CPB1: variants seen among roughly 807,000 people sequenced by gnomAD.
The protein encoded by CPB1 is carboxypeptidase B.
Under a neutral mutation model 51.4 loss-of-function variants are expected in CPB1, and 53 were observed. The ratio of observed to expected loss-of-function variants is 1.03; its 90% CI spans 0.83 to 1.30. The LOEUF is 1.30. Among genes scored for constraint, CPB1 ranks in the 50% most tolerant of loss-of-function variants. The probability of loss-of-function intolerance (pLI) is 0.00; values close to 1 mark genes in which losing one functional copy is unlikely to be tolerated. For synonymous variants in CPB1, 189 were observed against 186.9 expected, an observed-to-expected ratio of 1.01 and a Z score of -0.09; for missense variants, 494 against 516.2, an observed-to-expected ratio of 0.96 and a Z score of 0.42.
At chr3:148,842,235 T>C (rs1394382771) in intron 6 of CPB1, among the ~76,000 whole-genome samples, 2 of 151,890 alleles carry the variant, frequency 1.3e-5, no homozygotes, top group Non-Finnish European at 2.9e-5. Context: ...AAAAAAAAAT[T>C]GTATTTATTT....
chr3:148,830,740 T>G (rs1366926875), intron 2 of CPB1, among the ~76,000 whole-genome samples: 1 of 152,164 alleles, frequency 6.6e-6, no homozygotes, highest in Non-Finnish European at 1.5e-5. Flanking sequence ...CTCTCAGTAG[T>G]AATAGAATAA....
chr3:148,852,271 A>C (rs1282520099), intron 9 of CPB1, among the ~76,000 whole-genome samples: 1 of 152,146 alleles, frequency 6.6e-6, no homozygotes. Context: ...ATTTCAACTA[A>C]TTTTGCCCCC....
At chr3:148,857,064 T>TTTTTG (rs1713587649) in intron 9 of CPB1, 1 of 41,508 alleles carries the variant, frequency 2.4e-5, no homozygotes, top group Admixed American at 2.3e-4. Context: ...TGCCAAGTGT[T>TTTTTG]TTTTTTTTTT....
intron 2 of CPB1, among the ~76,000 whole-genome samples, chr3:148,832,148 G>T (rs1712757435): frequency 6.6e-6 from 1 of 152,036 alleles, no homozygotes; most frequent in Non-Finnish European, 1.5e-5. Context: ...AGATTTATTT[G>T]CCCCATCTTA....
In CPB1 at chr3:148,844,768, G is replaced by C. The variant is rs1018611637; in HGVS notation, c.778+1G>C. ...AGAAATTTTGATGCTGGTTGGTGTG[G>C]TAAGTATCTGGCTAGCCATTTTGCA... is the stretch of plus-strand genomic sequence containing the variant. On this transcript the variant is annotated splice_donor_variant, in intron 8 of 10. Transcript: ENST00000282957. LOFTEE classifies it high-confidence loss of function. The C allele has an allele frequency of 6.2e-7, 1 of 1,613,366 alleles. No homozygotes were observed. The highest frequency in any genetic ancestry group is 2.2e-5 in the East Asian group (1 of 44,876).
At chr3:148,833,738 A>AT (rs1712808733) in intron 2 of CPB1, among the ~76,000 whole-genome samples, 1 of 138,444 alleles carries the variant, frequency 7.2e-6, no homozygotes, top group African/African-American at 3.3e-5. Context: ...ACATCCACAG[A>AT]TTAAAAAAAA....
chr3:148,849,804 C>A (rs1211835876), intron 9 of CPB1, among the ~76,000 whole-genome samples: 1 of 152,234 alleles, frequency 6.6e-6, no homozygotes, highest in African/African-American at 2.4e-5. Context: ...CATTTTCCAG[C>A]TGAGGCATGG....
At chr3:148,838,606 C>G (rs1340880751) in intron 3 of CPB1, among the ~76,000 whole-genome samples, 3 of 152,058 alleles carry the variant, frequency 2.0e-5, no homozygotes, top group Non-Finnish European at 4.4e-5. Flanking sequence ...TTTTCCTCCA[C>G]GTTTTCCTGA....
chr3:148,828,868 T>C (rs1412737536), intron 2 of CPB1, among the ~76,000 whole-genome samples: 2 of 152,046 alleles, frequency 1.3e-5, no homozygotes, highest in Non-Finnish European at 2.9e-5. Flanking sequence ...AAGAAGAAGG[T>C]GGAGAGTGTC....
In CPB1 at chr3:148,846,797, G is replaced by GTATA. The variant is rs368201293; in HGVS notation, c.981+1213_981+1216dup. Among the ~76,000 whole-genome samples the GTATA allele has an allele frequency of 2.6e-3, 129 of 50,404 alleles. 1 individual carries two copies. Among genetic ancestry groups the GTATA allele is most frequent in the East Asian group, 0.012 (15 of 1,270 alleles). The allele number at this position is 50,404 out of a possible 152,430, so 33.1% of individuals were successfully genotyped here. The stretch of plus-strand genomic sequence containing the variant: ...CACATATATATGTGTGTGTGCGTGT[G>GTATA]TATATATATATATATATATATATAT... On this transcript the variant is annotated intron_variant, in intron 9 of 10. Transcript: ENST00000282957.
At chr3:148,846,792 C>CGTGTGTGTGTGT (rs1245684317) in intron 9 of CPB1, among the ~76,000 whole-genome samples, 1 of 68,560 alleles carries the variant, frequency 1.5e-5, no homozygotes, top group Non-Finnish European at 2.8e-5. Context: ...TGTGTGTGTG[C>CGTGTGTGTGTGT]GTGTGTATAT....
chr3:148,839,348 G>T (rs1413201659), intron 3 of CPB1, among the ~76,000 whole-genome samples: 1 of 152,100 alleles, frequency 6.6e-6, no homozygotes, highest in Admixed American at 6.5e-5. Flanking sequence ...ACTTGTGTTG[G>T]AATGCTAACC....
chr3:148,841,770 C>T (rs1713086959), intron 5 of CPB1, 53 bp from the exon 6 acceptor site: 1 of 1,476,124 alleles, frequency 6.8e-7, no homozygotes, highest in South Asian at 1.2e-5. Flanking sequence ...GAGGTTAACC[C>T]CTGAATGTCC....
Position 148,844,866 on chromosome 3 carries a change from A to G in CPB1, c.778+99A>G, listed in dbSNP as rs1233837426. On this transcript the variant is annotated intron_variant, in intron 8 of 10. Transcript: ENST00000282957. ...ATCTAAAATAAAAAAAGCAAGTTTT[A>G]TATTTTAAAGTTCTAACCTTCTAAA... 6.3e-6 allele frequency: 7 copies of G among 1,109,190 alleles called. No individual in the cohort carries two copies. The East Asian group carries it at 1.7e-4, about 27-fold the overall frequency. 68.7% of individuals were successfully genotyped at this position (1,109,190 alleles called of 1,614,324 possible).
intron 3 of CPB1, 23 bp downstream of exon 3, chr3:148,834,645 T>C: frequency 6.3e-6 from 10 of 1,590,896 alleles, no homozygotes; most frequent in Non-Finnish European, 8.6e-6. Flanking sequence ...TTTATAAATA[T>C]TAAAATTCTC....
chr3:148,843,639 A>T (rs2052146804), intron 6 of CPB1, among the ~76,000 whole-genome samples: 1 of 152,096 alleles, frequency 6.6e-6, no homozygotes, highest in African/African-American at 2.4e-5. Context: ...TAATTAATTT[A>T]TATATATAAT....
At chr3:148,840,846 T>C (rs548676458) in intron 4 of CPB1, 28 bp from the exon 5 acceptor site, 1 of 1,613,712 alleles carries the variant, frequency 6.2e-7, no homozygotes, top group Admixed American at 1.7e-5. Context: ...GAATGCCACA[T>C]TGATCTACAA....
At chr3:148,839,237 G>T (rs956038379) in intron 3 of CPB1, among the ~76,000 whole-genome samples, 1 of 152,114 alleles carries the variant, frequency 6.6e-6, no homozygotes, top group Admixed American at 6.5e-5. Flanking sequence ...AGGAATGCAG[G>T]CGACCTCTCA....
chr3:148,842,195 G>A (rs1216856106), intron 6 of CPB1, among the ~76,000 whole-genome samples: 3 of 151,324 alleles, frequency 2.0e-5, no homozygotes, highest in African/African-American at 4.9e-5. Flanking sequence ...AGACCAGCCT[G>A]GGCAACACGG....
Sources: allele counts gnomAD v4.1 joint callset (sites outside exome capture counted in the v4.1 genomes callset), GRCh38; gene constraint gnomAD v4.1.1; transcripts MANE v1.5; gene names NCBI Gene and HGNC (gene_info 2026-07-23, HGNC 2026-07-21).